IQCM: variants seen among roughly 807,000 people sequenced by gnomAD.
IQCM encodes the protein IQ motif containing M.
IQCM carries 45 observed loss-of-function variants against 57.6 expected under a neutral mutation model. The ratio of observed to expected loss-of-function variants is 0.78; its 90% CI spans 0.62 to 1.00. The LOEUF (loss-of-function observed/expected upper bound fraction) is 1.00. Ranked by LOEUF, IQCM falls within the 50% of genes least tolerant of loss-of-function variation. IQCM has a pLI of 0.00. For missense variants in IQCM, 468 were observed against 511.6 expected, an observed-to-expected ratio of 0.91 and a Z score of 0.82; for synonymous variants, 148 against 158.9, an observed-to-expected ratio of 0.93 and a Z score of 0.51.
At chr4:149,569,486 C>G (rs1750953726) in intron 9 of IQCM, among the ~76,000 whole-genome samples, 1 of 152,110 alleles carries the variant, frequency 6.6e-6, no homozygotes. Context: ...TTCCTCTCCA[C>G]TCTGAGATTG....
At chr4:149,435,028 A>G (rs945271416) in intron 12 of IQCM, among the ~76,000 whole-genome samples, 2 of 152,052 alleles carry the variant, frequency 1.3e-5, no homozygotes. Flanking sequence ...CTGACTCCCC[A>G]TGGGTGGACT....
At chr4:149,433,957 C>A (rs886910737) in intron 12 of IQCM, among the ~76,000 whole-genome samples, 6 of 151,948 alleles carry the variant, frequency 3.9e-5, no homozygotes, top group African/African-American at 1.2e-4. Flanking sequence ...TATATTGGAA[C>A]TACTAAAATA....
chr4:149,717,667 AAAG>A (rs1208388929), intron 5 of IQCM, among the ~76,000 whole-genome samples: 1 of 152,232 alleles, frequency 6.6e-6, no homozygotes, highest in Non-Finnish European at 1.5e-5. Context: ...GAAAAAGGTT[AAAG>A]TAATACAAAT....
At chr4:149,468,782 A>G (rs1367821371) in intron 12 of IQCM, among the ~76,000 whole-genome samples, 1 of 152,128 alleles carries the variant, frequency 6.6e-6, no homozygotes, top group African/African-American at 2.4e-5. Context: ...AAAGCTTCCA[A>G]AGGAAGGATC....
chr4:149,762,683 A>G (rs1769647224), intron 2 of IQCM, among the ~76,000 whole-genome samples: 1 of 152,074 alleles, frequency 6.6e-6, no homozygotes, highest in Non-Finnish European at 1.5e-5. Flanking sequence ...TTTTGGGTGG[A>G]GTTCCACATG....
chr4:149,598,474 G>T (rs1281926148), intron 8 of IQCM, among the ~76,000 whole-genome samples: 1 of 151,988 alleles, frequency 6.6e-6, no homozygotes, highest in Non-Finnish European at 1.5e-5. Flanking sequence ...AAAAATAAGA[G>T]AATTATTTTT....
chr4:149,616,206 T>C (rs889881068), intron 8 of IQCM, among the ~76,000 whole-genome samples: 29 of 152,128 alleles, frequency 1.9e-4, no homozygotes, highest in Admixed American at 9.2e-4. Context: ...CAAGTGTCCA[T>C]TGATGGGAGA....
chr4:149,429,231 T>C (rs1199430885), intron 13 of IQCM, among the ~76,000 whole-genome samples: 2 of 151,852 alleles, frequency 1.3e-5, no homozygotes, highest in African/African-American at 2.4e-5. Flanking sequence ...GGTTGGGAGC[T>C]TGAGGACAGA....
At chr4:149,767,970 A>C (rs976677694) in intron 2 of IQCM, among the ~76,000 whole-genome samples, 1 of 152,086 alleles carries the variant, frequency 6.6e-6, no homozygotes, top group African/African-American at 2.4e-5. Flanking sequence ...ACTATTTTTA[A>C]CTTACATAGC....
intron 12 of IQCM, among the ~76,000 whole-genome samples, chr4:149,541,619 G>A (rs1052161558): frequency 1.3e-5 from 2 of 151,942 alleles, no homozygotes; most frequent in African/African-American, 4.8e-5. Context: ...ATCAAGTAAT[G>A]GTTTTCATGT....
chr4:149,373,618 G>T (rs1040225692), intron 13 of IQCM, among the ~76,000 whole-genome samples: 1 of 151,914 alleles, frequency 6.6e-6, no homozygotes, highest in Admixed American at 6.6e-5. Context: ...TTTAATTCAG[G>T]TATATGTGTG....
intron 9 of IQCM, among the ~76,000 whole-genome samples, chr4:149,572,901 G>A (rs1421901611): frequency 6.6e-6 from 1 of 151,878 alleles, no homozygotes; most frequent in Non-Finnish European, 1.5e-5. Flanking sequence ...ATTCTCAATT[G>A]CGTAATCTAC....
At chr4:149,624,604 G>T (rs1038765833) in intron 7 of IQCM, among the ~76,000 whole-genome samples, 5 of 152,116 alleles carry the variant, frequency 3.3e-5, no homozygotes, top group Admixed American at 6.6e-5. Flanking sequence ...AAAGAAAAGG[G>T]AAGGAAAGAA....
intron 7 of IQCM, among the ~76,000 whole-genome samples, chr4:149,627,385 G>A (rs2150085713): frequency 6.6e-6 from 1 of 152,170 alleles, no homozygotes; most frequent in South Asian, 2.1e-4. Context: ...CTTTCTATTT[G>A]TAATCGCTCA....
chr4:149,681,076 C>T (rs770683429), intron 7 of IQCM, among the ~76,000 whole-genome samples: 4 of 151,220 alleles, frequency 2.6e-5, no homozygotes, highest in Admixed American at 6.6e-5. Flanking sequence ...TGAATAAATT[C>T]TAAATGTCAC....
intron 7 of IQCM, among the ~76,000 whole-genome samples, chr4:149,659,963 A>T (rs1256144078): frequency 6.6e-6 from 1 of 151,736 alleles, no homozygotes; most frequent in Non-Finnish European, 1.5e-5. Flanking sequence ...ATGGCAACAA[A>T]AGCCAAAATT....
intron 13 of IQCM, among the ~76,000 whole-genome samples, chr4:149,355,598 A>G (rs979479793): frequency 3.9e-5 from 6 of 152,128 alleles, no homozygotes; most frequent in African/African-American, 1.4e-4. Context: ...GCTGCATAGT[A>G]TTCCATGGTG....
intron 12 of IQCM, among the ~76,000 whole-genome samples, chr4:149,500,039 G>C (rs1227931776): frequency 6.6e-6 from 1 of 152,178 alleles, no homozygotes; most frequent in African/African-American, 2.4e-5. Flanking sequence ...AGACCTTCCA[G>C]CTGTCTCTGG....
At chr4:149,662,129 G>A (rs570135264) in intron 7 of IQCM, among the ~76,000 whole-genome samples, 1 of 151,956 alleles carries the variant, frequency 6.6e-6, no homozygotes, top group African/African-American at 2.4e-5. Context: ...GTGGGTTTTG[G>A]TATGATGTGT....
Sources: gnomAD v4.1 joint callset for allele counts (sites outside exome capture counted in the v4.1 genomes callset) on GRCh38, gnomAD v4.1.1 for gene constraint, MANE v1.5 for transcripts, NCBI Gene and HGNC (gene_info 2026-07-23, HGNC 2026-07-21) for gene names.